CNTNAP1: variants seen among roughly 807,000 people sequenced by gnomAD.
CNTNAP1 encodes the protein contactin associated protein 1, also known as contactin-associated protein 1.
A neutral mutation model predicts 161.5 loss-of-function variants in CNTNAP1; 80 were observed. That is an observed-to-expected ratio of 0.50 (90% CI 0.41 to 0.60). The LOEUF is 0.60. Ranked by LOEUF, CNTNAP1 falls within the 20% of genes least tolerant of loss-of-function variation. CNTNAP1 has a pLI of 0.00. For synonymous variants in CNTNAP1, 695 were observed against 733.1 expected (o/e 0.95, Z 0.84); for missense variants, 1,464 against 1,854.8 (o/e 0.79, Z 3.87).
intron 6 of CNTNAP1, 133 bp downstream of exon 6, chr17:42,686,274 C>T: frequency 1.1e-6 from 1 of 904,110 alleles, no homozygotes; most frequent in Non-Finnish European, 1.7e-6. Context: ...GGTGGTGGCT[C>T]ATGCCTGTAA....
At position 42,687,040 on chromosome 17, in the gene CNTNAP1, C is replaced by T. The variant is rs2053026918; in HGVS notation, c.1038C>T (p.Thr346=). The T allele has an allele frequency of 1.9e-6, 3 of 1,612,080 alleles. No individual in the cohort carries two copies. The South Asian group carries it at 3.3e-5, about 18-fold the overall frequency. Residue 346 remains threonine (T), a synonymous_variant, in exon 7 of 24, where the codon ACC becomes ACT. Coordinates refer to ENST00000264638, the MANE Select transcript of CNTNAP1 (RefSeq NM_003632.3). This position sits in a 1 kb window ranked among gnomAD's most constrained non-coding sequence, Gnocchi z 4.7. ...DLAVRRHSRI[T]FEGKVAFRCL... The stretch of plus-strand genomic sequence containing the variant: ...CCGTGCGGCGCCATTCCCGGATCAC[C>T]TTCGAGGCCAGTGGGCAGGGGGGTC...
At chr17:42,690,485 T>C (rs559047577) in intron 12 of CNTNAP1, among the ~76,000 whole-genome samples, 25 of 149,494 alleles carry the variant, frequency 1.7e-4, no homozygotes, top group South Asian at 4.3e-4. Context: ...GATAGCGCCA[T>C]TGGACTCCAG....
Position 42,685,934 on chromosome 17 carries a change from A to G in CNTNAP1, c.716-23A>G, listed in dbSNP as rs759385536. ...TGGAGTTCTCCTGGCTTGAGGTTTC[A>G]CTCTGTCCTGCCCCACCCTCAGGCA... On this transcript the variant is annotated intron_variant, in intron 5 of 23. Transcript: ENST00000264638. The surrounding 1 kb of genome is among the most constrained non-coding windows in gnomAD (Gnocchi z 5.0). 1.2e-6 allele frequency: 2 copies of G among 1,610,478 alleles called. No homozygotes were observed. Among genetic ancestry groups the G allele is most frequent in the South Asian group, 2.2e-5 (2 of 90,984 alleles).
intron 16 of CNTNAP1, 114 bp downstream of exon 16, chr17:42,692,105 G>C: frequency 9.0e-7 from 1 of 1,110,614 alleles, no homozygotes. Context: ...GGCAGCATGG[G>C]AAGGGTTGAG....
intron 18 of CNTNAP1, 75 bp downstream of exon 18, chr17:42,693,611 A>C: frequency 6.4e-7 from 1 of 1,562,612 alleles, no homozygotes. Flanking sequence ...GGAAGGAAAT[A>C]GCATGTAAAG....
chr17:42,697,862 A>T (rs182910851), intron 22 of CNTNAP1, 41 bp from the exon 23 acceptor site: 2 of 1,614,136 alleles, frequency 1.2e-6, no homozygotes. Context: ...GATTCTTAAC[A>T]TGGAGGAGGC....
chr17:42,684,026 C>T lies in CNTNAP1; in HGVS notation c.170-10C>T, dbSNP rs2052973544. On this transcript the variant is annotated splice_polypyrimidine_tract_variant and intron_variant, in intron 2 of 23. Coordinates refer to ENST00000264638, the MANE Select transcript of CNTNAP1 (RefSeq NM_003632.3). ...GGGATAGCCGGTTAAAGCTCCTGTC[C>T]TTTCTATAGGCATAAGCGGGTGGTC... is the stretch of plus-strand genomic sequence containing the variant. The T allele has an allele frequency of 6.2e-7, 1 of 1,613,922 alleles. No homozygotes were observed. Among genetic ancestry groups the T allele is most frequent in the Non-Finnish European group, 8.5e-7 (1 of 1,179,850 alleles).
rs371692918 is a variant in CNTNAP1, at chr17:42,697,749, G to A, written c.3764G>A (p.Arg1255His). ...GAATCTAATTGCGGAGCTATGCCAC[G>A]TCTTGTTTCAGAGGTGCCACCTGAG... is the stretch of plus-strand genomic sequence containing the variant. Reference protein sequence around the residue: ...LSESNCGAMPRLVSEVPPELD... With the variant: ...LSESNCGAMPHLVSEVPPELD... The change falls in exon 22 of 24, where the codon CGT (arginine) becomes CAT (histidine). Residue 1255 changes from arginine to histidine, a missense_variant. Around this residue, in one of 3 missense-constraint regions of CNTNAP1, gnomAD observed 1,383 missense variants for 1,765.0 expected, o/e 0.78. Coordinates refer to ENST00000264638, the MANE Select transcript of CNTNAP1 (RefSeq NM_003632.3). 188 of 1,614,154 alleles carry A rather than the reference G, an allele frequency of 1.2e-4. 1 individual carries two copies. The highest frequency in any genetic ancestry group is 3.7e-4 in the South Asian group (34 of 91,086).
At chr17:42,693,131 T>G (rs1430333408) in intron 17 of CNTNAP1, among the ~76,000 whole-genome samples, 166 bp from the exon 18 acceptor site, 1 of 152,082 alleles carries the variant, frequency 6.6e-6, no homozygotes, top group Admixed American at 6.5e-5. Context: ...TAATTTTTTT[T>G]GTATTTTTTA....
In CNTNAP1 at chr17:42,690,896, G is replaced by A. The variant is rs1597807983; in HGVS notation, c.2013G>A (p.Gln671=). 6.2e-7 allele frequency: 1 copy of A among 1,614,248 alleles called. No individual in the cohort carries two copies. Among genetic ancestry groups the A allele is most frequent in the Non-Finnish European group, 8.5e-7 (1 of 1,180,052 alleles). The change falls in exon 13 of 24, where the codon CAG becomes CAA. Residue 671 remains glutamine (Q), a synonymous_variant. Coordinates refer to ENST00000264638, the MANE Select transcript of CNTNAP1 (RefSeq NM_003632.3). ...ALANASQHCE[Q]WIEFSCYNSR... ...CCAATGCTTCCCAGCATTGTGAACA[G>A]TGGATCGAGTTCTCCTGCTACAATT...
chr17:42,694,784 A>G (rs547555261), intron 18 of CNTNAP1, among the ~76,000 whole-genome samples: 1 of 152,184 alleles, frequency 6.6e-6, no homozygotes, highest in African/African-American at 2.4e-5. Context: ...CATTCCCCAT[A>G]GCAAGATCCT....
In CNTNAP1 at chr17:42,688,478, C is replaced by T. The variant is rs745632089; in HGVS notation, c.1323C>T (p.Asp441=). ...LQFAAGYRLN[D]GFWHEVNFVA... ...CTTGTCCAGGGTACCGACTGAATGA[C>T]GGCTTTTGGCACGAGGTGAATTTTG... Residue 441 remains aspartate (D), a synonymous_variant, in exon 9 of 24, where the codon GAC becomes GAT. Transcript: ENST00000264638. 135 of 1,614,082 alleles carry T rather than the reference C, an allele frequency of 8.4e-5. No homozygotes were observed. Among genetic ancestry groups the T allele is most frequent in the Middle Eastern group, 1.6e-4 (1 of 6,084 alleles).
intron 6 of CNTNAP1, among the ~76,000 whole-genome samples, chr17:42,686,482 T>TTTTTTTTG (rs1567970556): frequency 8.7e-5 from 12 of 137,790 alleles, no homozygotes; most frequent in African/African-American, 3.1e-4. Context: ...TTTTTTTTTT[T>TTTTTTTTG]TTTTTTTTTT....
Position 42,687,582 on chromosome 17 carries a change from C to A in CNTNAP1, c.1045-138C>A. The stretch of plus-strand genomic sequence containing the variant: ...GACGAGCTTGGAGGGGAAGAGGTCA[C>A]GTCATGGTTGGAGATCTCACCCCCG... On this transcript the variant is annotated intron_variant, in intron 7 of 23. Transcript: ENST00000264638. This position sits in a 1 kb window ranked among gnomAD's most constrained non-coding sequence, Gnocchi z 4.7. The A allele has an allele frequency of 2.6e-6, 3 of 1,172,114 alleles. No individual in the cohort carries two copies. The highest frequency in any genetic ancestry group is 1.5e-5 in the African/African-American group (1 of 64,810). 72.6% of individuals were successfully genotyped at this position (1,172,114 alleles called of 1,614,324 possible).
intron 16 of CNTNAP1, 82 bp downstream of exon 16, chr17:42,692,073 A>T: frequency 7.0e-7 from 1 of 1,421,098 alleles, no homozygotes; most frequent in East Asian, 2.3e-5. Flanking sequence ...GGTTGGAGCC[A>T]AGGGCAGATG....
In CNTNAP1 at chr17:42,685,847, C is replaced by G; in HGVS notation, c.716-110C>G. The G allele has an allele frequency of 8.6e-7, 1 of 1,167,894 alleles. No individual in the cohort carries two copies. Among genetic ancestry groups the G allele is most frequent in the Non-Finnish European group, 1.2e-6 (1 of 822,038 alleles). The allele number at this position is 1,167,894 out of a possible 1,614,324, so 72.3% of individuals were successfully genotyped here. A position where few individuals can be genotyped will look rare whatever the true frequency, so the allele number is the denominator to read the frequency against. On this transcript the variant is annotated intron_variant, in intron 5 of 23. Transcript: ENST00000264638. The surrounding 1 kb of genome is among the most constrained non-coding windows in gnomAD (Gnocchi z 5.0). Reference sequence around the variant, plus strand: ...CAATGGCTGTTGATCTATTCGCCCACTCTCCCTGATTGCCCTGGGCTTTGT... The same window carrying G: ...CAATGGCTGTTGATCTATTCGCCCAGTCTCCCTGATTGCCCTGGGCTTTGT...
rs768384591 is a variant in CNTNAP1, at chr17:42,695,665, C to T, written c.3137C>T (p.Pro1046Leu). ...GGCTACATCCCGGGCTATGATACTC[C>T]GGGCTATGTGCCTGGCTACCATGGC... ...EPGYIPGYDT[P>L]GYVPGYHGPG... Residue 1046 changes from proline (P) to leucine (L), a missense_variant, in exon 19 of 24, where the codon CCG becomes CTG. Around this residue, in one of 3 missense-constraint regions of CNTNAP1, gnomAD observed 1,383 missense variants for 1,765.0 expected, o/e 0.78. Transcript: ENST00000264638. 2.5e-5 allele frequency: 40 copies of T among 1,614,080 alleles called. No individual in the cohort carries two copies. Among genetic ancestry groups the T allele is most frequent in the African/African-American group, 6.7e-5 (5 of 74,924 alleles).
rs1409392479 is a variant in CNTNAP1, at chr17:42,699,044, C to G, written c.*134C>G. The G allele has an allele frequency of 4.1e-6, 3 of 729,110 alleles. No individual in the cohort carries two copies. The highest frequency in any genetic ancestry group is 2.5e-5 in the South Asian group (1 of 40,340). The allele number at this position is 729,110 out of a possible 1,614,324, so 45.2% of individuals were successfully genotyped here. A position where few individuals can be genotyped will look rare whatever the true frequency, so the allele number is the denominator to read the frequency against. ...AGAGGATATTCCCCCATCCCCCCCCCATCAAGTTTGGTGGGCAGAGCTACA... is the reference window on the plus strand; with the variant it reads ...AGAGGATATTCCCCCATCCCCCCCCGATCAAGTTTGGTGGGCAGAGCTACA... On this transcript the variant is annotated 3_prime_UTR_variant, in exon 24 of 24. Coordinates refer to ENST00000264638, the MANE Select transcript of CNTNAP1 (RefSeq NM_003632.3).
Position 42,687,627 on chromosome 17 carries a change from G to GTT in CNTNAP1, c.1045-92_1045-91insTT. 1 of 1,493,188 alleles carries GTT rather than the reference G, an allele frequency of 6.7e-7. No homozygotes were observed. Among genetic ancestry groups the GTT allele is most frequent in the Non-Finnish European group, 9.1e-7 (1 of 1,099,688 alleles). The allele number at this position is 1,493,188 out of a possible 1,614,324, so 92.5% of individuals were successfully genotyped here. On this transcript the variant is annotated intron_variant, in intron 7 of 23. Coordinates refer to ENST00000264638, the MANE Select transcript of CNTNAP1 (RefSeq NM_003632.3). The surrounding 1 kb of genome is among the most constrained non-coding windows in gnomAD (Gnocchi z 4.7). ...CCCCCGCCAACACCGAAGGAGGGCG[G>GTT]TGACCAGGGTCTTAGACCGGTGTGA...
Sources: allele counts gnomAD v4.1 joint callset (sites outside exome capture counted in the v4.1 genomes callset), GRCh38; gene constraint gnomAD v4.1.1; regional missense constraint gnomAD v4.1.1; non-coding constraint Gnocchi (gnomAD v3.1); transcripts MANE v1.5; gene names NCBI Gene and HGNC (gene_info 2026-07-23, HGNC 2026-07-21).